CDH13: variants seen among roughly 807,000 people sequenced by gnomAD.
CDH13 encodes cadherin-13.
Under a neutral mutation model 63.8 loss-of-function variants are expected in CDH13, and 24 were observed. The observed-to-expected ratio is 0.38, with a 90% CI of 0.27 to 0.53. CDH13 has a LOEUF of 0.53. Ranked by LOEUF, CDH13 falls within the 20% of genes least tolerant of loss-of-function variation. The probability of loss-of-function intolerance (pLI) is 0.85; values close to 1 mark genes in which losing one functional copy is unlikely to be tolerated. For missense variants in CDH13, 1,049 were observed against 903.1 expected (o/e 1.16, Z -2.07); for synonymous variants, 503 against 355.3 (o/e 1.42, Z -4.67).
chr16:83,256,480 T>A (rs533952141), intron 5 of CDH13, among the ~76,000 whole-genome samples: 4 of 151,986 alleles, frequency 2.6e-5, no homozygotes, highest in African/African-American at 7.2e-5. Flanking sequence ...TTTCAAAATA[T>A]TAAAAGAAAA....
intron 6 of CDH13, among the ~76,000 whole-genome samples, chr16:83,460,397 A>G (rs1428773279): frequency 2.8e-4 from 43 of 152,218 alleles, no homozygotes; most frequent in Non-Finnish European, 2.8e-4. Context: ...AGGAATTCTC[A>G]TTTATGCCCC....
chr16:82,662,696 G>A (rs79005595), intron 1 of CDH13, among the ~76,000 whole-genome samples: 91 of 152,306 alleles, frequency 6.0e-4, no homozygotes, highest in African/African-American at 2.1e-3. Flanking sequence ...TCTTTGAGTC[G>A]ATAACAGCTT....
chr16:83,166,912 C>T (rs998004970), intron 4 of CDH13, among the ~76,000 whole-genome samples: 2 of 152,094 alleles, frequency 1.3e-5, no homozygotes, highest in African/African-American at 4.8e-5. Flanking sequence ...AAAATTACAG[C>T]AGTTGCCTGT....
At chr16:83,646,919 C>T (rs1911876568) in intron 8 of CDH13, among the ~76,000 whole-genome samples, 1 of 152,034 alleles carries the variant, frequency 6.6e-6, no homozygotes, top group Non-Finnish European at 1.5e-5. Context: ...CTGGAACTTG[C>T]AGTCCACATC....
intron 6 of CDH13, among the ~76,000 whole-genome samples, chr16:83,350,574 G>A (rs2090932703): frequency 6.6e-6 from 1 of 151,742 alleles, no homozygotes; most frequent in African/African-American, 2.4e-5. Flanking sequence ...TTTCCATCCA[G>A]TATGCTTAGC....
chr16:82,893,944 T>C (rs1050399040), intron 2 of CDH13, among the ~76,000 whole-genome samples: 5 of 152,156 alleles, frequency 3.3e-5, no homozygotes, highest in Non-Finnish European at 5.9e-5. Context: ...CTCCCACATG[T>C]TTTCCTGCTC....
intron 1 of CDH13, among the ~76,000 whole-genome samples, chr16:82,697,770 TGTGTGTGTGTGTGTGTG>T (rs1567638793): frequency 5.6e-5 from 5 of 88,640 alleles, no homozygotes; most frequent in African/African-American, 2.0e-4. Context: ...TGTGTGTGTG[TGTGTGTGTGTGTGTGTG>T]TAAGTTTTTT....
intron 1 of CDH13, among the ~76,000 whole-genome samples, chr16:82,763,414 T>A (rs1300330565): frequency 6.6e-6 from 1 of 152,224 alleles, no homozygotes; most frequent in African/African-American, 2.4e-5. Context: ...TCTTGGTCTC[T>A]GTTTAATTCC....
chr16:83,348,500 G>C (rs1298595897), intron 6 of CDH13, among the ~76,000 whole-genome samples: 1 of 152,220 alleles, frequency 6.6e-6, no homozygotes, highest in African/African-American at 2.4e-5. Flanking sequence ...ACACAGCCAA[G>C]GGAACAGAAG....
At chr16:83,072,893 A>T (rs1328047746) in intron 3 of CDH13, among the ~76,000 whole-genome samples, 2 of 152,204 alleles carry the variant, frequency 1.3e-5, no homozygotes, top group Non-Finnish European at 2.9e-5. Flanking sequence ...GATTTCTAAC[A>T]TTTCTGTGGG....
chr16:83,658,959 G>A (rs1200128188), intron 8 of CDH13, among the ~76,000 whole-genome samples: 188 of 46,184 alleles, frequency 4.1e-3, no homozygotes, highest in South Asian at 6.8e-3. Context: ...ACCAGGTCCC[G>A]TATCCTCACC....
chr16:83,123,701 T>C (rs1282924325), intron 3 of CDH13, among the ~76,000 whole-genome samples: 1 of 152,196 alleles, frequency 6.6e-6, no homozygotes, highest in Non-Finnish European at 1.5e-5. Flanking sequence ...TAACGATTCC[T>C]TTTCCTTTGT....
chr16:83,408,292 A>G (rs1237025097), intron 6 of CDH13, among the ~76,000 whole-genome samples: 1 of 152,176 alleles, frequency 6.6e-6, no homozygotes, highest in Non-Finnish European at 1.5e-5. Flanking sequence ...CACACAAACC[A>G]TATACAGTCA....
intron 11 of CDH13, among the ~76,000 whole-genome samples, chr16:83,768,355 T>C (rs1227670609): frequency 2.0e-5 from 3 of 152,108 alleles, no homozygotes; most frequent in East Asian, 1.9e-4. Flanking sequence ...GAAATTTAAA[T>C]AGACAAAAAA....
intron 2 of CDH13, among the ~76,000 whole-genome samples, chr16:82,925,333 T>A (rs1320137208): frequency 6.6e-6 from 1 of 152,202 alleles, no homozygotes; most frequent in East Asian, 1.9e-4. Flanking sequence ...TGCAGATAAT[T>A]GCCAGTTGAG....
intron 2 of CDH13, among the ~76,000 whole-genome samples, chr16:83,021,107 C>G (rs1160432531): frequency 6.6e-6 from 1 of 152,150 alleles, no homozygotes. Flanking sequence ...TGGTGATTCT[C>G]AAACTTGCTG....
chr16:83,460,153 C>G (rs544427215), intron 6 of CDH13, among the ~76,000 whole-genome samples: 68 of 152,290 alleles, frequency 4.5e-4, no homozygotes, highest in African/African-American at 1.6e-3. Flanking sequence ...ACTGTTCACA[C>G]TCATTGGCCA....
chr16:83,779,570 C>T (rs1915374932), intron 11 of CDH13, among the ~76,000 whole-genome samples: 3 of 152,076 alleles, frequency 2.0e-5, no homozygotes. Context: ...CGCCTGTGAT[C>T]ACAACACTTT....
intron 5 of CDH13, among the ~76,000 whole-genome samples, chr16:83,234,155 G>T (rs997425290): frequency 6.6e-5 from 10 of 152,234 alleles, no homozygotes; most frequent in African/African-American, 2.4e-4. Flanking sequence ...CTCATAGGCA[G>T]TGTGTGGCAA....
Sources: allele counts gnomAD v4.1 joint callset (sites outside exome capture counted in the v4.1 genomes callset), GRCh38; gene constraint gnomAD v4.1.1; transcripts MANE v1.5; gene names NCBI Gene and HGNC (gene_info 2026-07-23, HGNC 2026-07-21).